The following CEP112 variants were observed in gnomAD, a reference collection of about 807,000 sequenced individuals.
CEP112 encodes centrosomal protein 112.
In CEP112, 127 loss-of-function variants were observed where a neutral mutation model predicts 153.0. The ratio of observed to expected loss-of-function variants is 0.83; its 90% CI spans 0.72 to 0.96. The LOEUF is 0.96. Among genes scored for constraint, CEP112 ranks in the 40% least tolerant of loss-of-function variants. The pLI, the probability that CEP112 is intolerant of heterozygous loss-of-function variation, is 0.00. For missense variants in CEP112, 1,089 were observed against 1,101.2 expected, an observed-to-expected ratio of 0.99 and a Z score of 0.16; for synonymous variants, 358 against 374.4, an observed-to-expected ratio of 0.96 and a Z score of 0.51.
chr17:66,123,890 T>C (rs1195196997), intron 6 of CEP112, among the ~76,000 whole-genome samples: 1 of 152,224 alleles, frequency 6.6e-6, no homozygotes, highest in African/African-American at 2.4e-5. Context: ...TCTGAAAAAT[T>C]ATTATCTTAA....
At chr17:65,654,893 T>C (rs2045977937) in intron 24 of CEP112, 2 of 542,838 alleles carry the variant, frequency 3.7e-6, no homozygotes, top group South Asian at 1.5e-5. Flanking sequence ...GGTCGTACCA[T>C]GGCAGCAAAG....
chr17:66,133,057 A>AACAAC (rs907633218), intron 4 of CEP112, among the ~76,000 whole-genome samples: 5 of 152,234 alleles, frequency 3.3e-5, no homozygotes, highest in African/African-American at 9.6e-5. Context: ...CAACAACAAC[A>AACAAC]AAAAACACAC....
intron 11 of CEP112, among the ~76,000 whole-genome samples, chr17:66,059,279 A>C (rs1023698249): frequency 2.0e-5 from 3 of 152,186 alleles, no homozygotes; most frequent in African/African-American, 4.8e-5. Context: ...AAGCAATTGC[A>C]ACAAAAATAA....
At position 66,123,596 on chromosome 17, in the gene CEP112, T is replaced by C. The variant is rs181458556; in HGVS notation, c.642+6150A>G. ...CAATTAGCAATTATGCTTGTTTTGC[T>C]AGGGAGCACATCTGTGGAGCTCCTC... On this transcript the variant is annotated intron_variant, in intron 6 of 26. Coordinates refer to ENST00000535342, the MANE Select transcript of CEP112 (RefSeq NM_001199165.4). Among the ~76,000 whole-genome samples, 4 of 152,356 alleles carry C rather than the reference T, an allele frequency of 2.6e-5. No individual in the cohort carries two copies. In the East Asian group the frequency reaches 5.8e-4, roughly 22 times the overall value.
At chr17:65,794,068 T>C (rs2145753670) in intron 21 of CEP112, among the ~76,000 whole-genome samples, 1 of 152,312 alleles carries the variant, frequency 6.6e-6, no homozygotes, top group Non-Finnish European at 1.5e-5. Context: ...ATATTCTAGG[T>C]AGTCTTCCAG....
intron 6 of CEP112, among the ~76,000 whole-genome samples, chr17:66,102,354 C>CT (rs1412548601): frequency 6.6e-6 from 1 of 151,978 alleles, no homozygotes; most frequent in East Asian, 1.9e-4. Context: ...ATAGATAAGG[C>CT]TTTTAATTTT....
intron 8 of CEP112, among the ~76,000 whole-genome samples, 160 bp from the exon 9 acceptor site, chr17:66,070,161 G>A (rs2067259448): frequency 6.6e-6 from 1 of 152,094 alleles, no homozygotes; most frequent in South Asian, 2.1e-4. Flanking sequence ...ATACCAATAT[G>A]TTTATTTCAG....
intron 18 of CEP112, among the ~76,000 whole-genome samples, chr17:65,929,820 G>A (rs1034085496): frequency 6.6e-6 from 1 of 152,130 alleles, no homozygotes; most frequent in Non-Finnish European, 1.5e-5. Context: ...AATTTCCAAC[G>A]TTTAGTTCCA....
intron 9 of CEP112, among the ~76,000 whole-genome samples, chr17:66,068,043 A>C (rs184187213): frequency 1.7e-4 from 26 of 152,270 alleles, no homozygotes; most frequent in African/African-American, 5.5e-4. Context: ...ATATGTCAAA[A>C]ATTGCATTAA....
intron 4 of CEP112, among the ~76,000 whole-genome samples, chr17:66,140,058 A>C (rs2070620947): frequency 6.6e-6 from 1 of 152,222 alleles, no homozygotes; most frequent in Middle Eastern, 3.2e-3. Flanking sequence ...ATTCCATGGC[A>C]CATTAAAAGA....
intron 18 of CEP112, among the ~76,000 whole-genome samples, chr17:65,957,258 A>G (rs983598554): frequency 2.6e-5 from 4 of 152,224 alleles, no homozygotes; most frequent in Non-Finnish European, 4.4e-5. Context: ...AAACGCTAAA[A>G]AAGAAAAAGT....
chr17:65,798,653 T>C (rs1019277520), intron 21 of CEP112, among the ~76,000 whole-genome samples: 1 of 152,216 alleles, frequency 6.6e-6, no homozygotes, highest in Non-Finnish European at 1.5e-5. Context: ...CTGTTATTTG[T>C]CACAAGCACT....
Position 66,033,643 on chromosome 17 carries a change from TG to T in CEP112, c.1219-3621del, listed in dbSNP as rs373011842. On this transcript the variant is annotated intron_variant, in intron 12 of 26. Transcript: ENST00000535342. ...CACTTCTTTCAGTTCTCCACCTAAATGTCATCTTGTGAAGGAATCTTTCCAT... is the reference window on the plus strand; with the variant it reads ...CACTTCTTTCAGTTCTCCACCTAAATTCATCTTGTGAAGGAATCTTTCCAT... Among the ~76,000 whole-genome samples, 50 of 152,356 alleles carry T rather than the reference TG, an allele frequency of 3.3e-4. 1 individual carries two copies. In the South Asian group the frequency reaches 1.0e-2, roughly 30 times the overall value.
At chr17:66,132,786 A>G in intron 4 of CEP112, 23 bp from the exon 5 acceptor site, 3 of 1,492,646 alleles carry the variant, frequency 2.0e-6, no homozygotes, top group Non-Finnish European at 2.8e-6. Context: ...AATAATCGCA[A>G]TCACAATTTG....
At chr17:65,636,112 C>A in intron 26 of CEP112, 138 bp from the exon 27 acceptor site, 1 of 797,964 alleles carries the variant, frequency 1.3e-6, no homozygotes, top group Non-Finnish European at 2.1e-6. Flanking sequence ...TTATGCTTAT[C>A]TATAAGGGAT....
At chr17:66,097,723 C>T (rs1392567497) in intron 6 of CEP112, among the ~76,000 whole-genome samples, 1 of 152,064 alleles carries the variant, frequency 6.6e-6, no homozygotes, top group Non-Finnish European at 1.5e-5. Flanking sequence ...GTATAGTAGC[C>T]TTTCAATAAA....
At chr17:65,907,574 G>A (rs1028694187) in intron 19 of CEP112, among the ~76,000 whole-genome samples, 11 of 152,138 alleles carry the variant, frequency 7.2e-5, no homozygotes, top group South Asian at 2.1e-4. Flanking sequence ...ACTTCTGGAT[G>A]TCATGAGCCC....
intron 20 of CEP112, among the ~76,000 whole-genome samples, chr17:65,866,848 A>G (rs2058504231): frequency 6.6e-6 from 1 of 152,010 alleles, no homozygotes. Context: ...GAGCTGTTCT[A>G]TTGCTCAATA....
chr17:65,909,704 T>A (rs1651775328), intron 19 of CEP112, among the ~76,000 whole-genome samples: 1 of 152,064 alleles, frequency 6.6e-6, no homozygotes, highest in Non-Finnish European at 1.5e-5. Context: ...CATGAGAACA[T>A]TCACTGGCAG....
Sources: gnomAD v4.1 joint callset for allele counts (sites outside exome capture counted in the v4.1 genomes callset) on GRCh38, gnomAD v4.1.1 for gene constraint, MANE v1.5 for transcripts, NCBI Gene and HGNC (gene_info 2026-07-23, HGNC 2026-07-21) for gene names.